Variants in LNX1 observed in about 807,000 individuals in gnomAD.
LNX1 encodes the protein ligand of numb-protein X 1, also known as E3 ubiquitin-protein ligase LNX.
In LNX1, 54 loss-of-function variants were observed where a neutral mutation model predicts 68.4. The ratio of observed to expected loss-of-function variants is 0.79; its 90% CI spans 0.63 to 0.99. LNX1 has a LOEUF of 0.99. Ranked by LOEUF, LNX1 falls within the 50% of genes least tolerant of loss-of-function variation. The pLI, the probability that LNX1 is intolerant of heterozygous loss-of-function variation, is 0.00. For missense variants in LNX1, 906 were observed against 926.4 expected, an observed-to-expected ratio of 0.98 and a Z score of 0.29; for synonymous variants, 336 against 350.0, an observed-to-expected ratio of 0.96 and a Z score of 0.45.
At position 53,505,861 on chromosome 4, in the gene LNX1, G is replaced by A. The variant is rs564305498; in HGVS notation, c.775+1456C>T. Among the ~76,000 whole-genome samples, 15 of 152,314 alleles carry A rather than the reference G, an allele frequency of 9.8e-5. No homozygotes were observed. In the South Asian group the frequency reaches 2.5e-3, roughly 25 times the overall value. Reference sequence around the variant, plus strand: ...TTACACTAAATCTGGAAGAAGGAACGTGAATGCCAGCTGAAAGGAGAGTGG... The same window carrying A: ...TTACACTAAATCTGGAAGAAGGAACATGAATGCCAGCTGAAAGGAGAGTGG... On this transcript the variant is annotated intron_variant, in intron 4 of 10. Transcript: ENST00000263925.
At chr4:53,650,205 C>G (rs1222738582) in intron 1 of LNX1, among the ~76,000 whole-genome samples, 1 of 152,184 alleles carries the variant, frequency 6.6e-6, no homozygotes. Context: ...GGTACATACA[C>G]AAATGCATAG....
chr4:53,636,103 A>G (rs1734462977), intron 1 of LNX1, among the ~76,000 whole-genome samples: 2 of 151,712 alleles, frequency 1.3e-5, no homozygotes, highest in African/African-American at 4.8e-5. Flanking sequence ...TCCAAAAATA[A>G]TAACTACTGA....
upstream of LNX1, among the ~76,000 whole-genome samples, chr4:53,595,522 A>G (rs148767848): frequency 6.5e-3 from 988 of 152,358 alleles, 11 homozygotes; most frequent in African/African-American, 0.022. Context: ...CCATTTCGGC[A>G]ACCACATGAT....
At chr4:53,645,091 A>G (rs1355342648) in intron 1 of LNX1, among the ~76,000 whole-genome samples, 2 of 152,188 alleles carry the variant, frequency 1.3e-5, no homozygotes, top group Admixed American at 6.5e-5. Flanking sequence ...CCACGCCAAA[A>G]AAGAACAGAA....
At chr4:53,461,366 TG>T (rs1722080616) in intron 10 of LNX1, 68 bp downstream of exon 10, 11 of 1,265,280 alleles carry the variant, frequency 8.7e-6, no homozygotes, top group South Asian at 2.7e-5. Flanking sequence ...TTATCTCAAA[TG>T]GGGCCAAGCT....
intron 1 of LNX1, among the ~76,000 whole-genome samples, chr4:53,639,859 C>G (rs1233872796): frequency 6.6e-6 from 1 of 152,086 alleles, no homozygotes; most frequent in East Asian, 1.9e-4. Context: ...TGGTGAAACC[C>G]TGTCTCTACT....
chr4:53,481,698 C>A (rs202229204), intron 7 of LNX1, 22 bp downstream of exon 7: 1 of 1,603,072 alleles, frequency 6.2e-7, no homozygotes, highest in East Asian at 2.3e-5. Context: ...CAGGAGCAGG[C>A]GACCTGCCCT....
At chr4:53,568,488 G>C (rs1359882718) in intron 2 of LNX1, among the ~76,000 whole-genome samples, 2 of 151,770 alleles carry the variant, frequency 1.3e-5, no homozygotes, top group African/African-American at 2.4e-5. Flanking sequence ...GTATTGATGG[G>C]ACATATTTCA....
At chr4:53,510,476 T>C (rs1726249115) in intron 2 of LNX1, among the ~76,000 whole-genome samples, 1 of 152,216 alleles carries the variant, frequency 6.6e-6, no homozygotes, top group Non-Finnish European at 1.5e-5. Context: ...CTAGTGCTTG[T>C]CCTCAGCTGG....
intron 9 of LNX1, among the ~76,000 whole-genome samples, chr4:53,464,843 T>C (rs1164199390): frequency 1.3e-5 from 2 of 152,158 alleles, no homozygotes; most frequent in East Asian, 1.9e-4. Context: ...TCCTCAATGA[T>C]AGCCAATTAC....
intron 2 of LNX1, among the ~76,000 whole-genome samples, chr4:53,616,360 T>A (rs1733678758): frequency 6.6e-6 from 1 of 152,250 alleles, no homozygotes; most frequent in South Asian, 2.1e-4. Context: ...TAATTTCTAC[T>A]CTTCAGTGTC....
intron 1 of LNX1, among the ~76,000 whole-genome samples, chr4:53,579,615 C>T (rs758196849): frequency 1.2e-4 from 19 of 152,082 alleles, no homozygotes; most frequent in Non-Finnish European, 2.2e-4. Context: ...CATTCGAGAT[C>T]GTGTGTCTAC....
At chr4:53,506,645 A>C (rs544035806) in intron 4 of LNX1, among the ~76,000 whole-genome samples, 1 of 152,136 alleles carries the variant, frequency 6.6e-6, no homozygotes, top group Admixed American at 6.5e-5. Flanking sequence ...ACCTGAGTTC[A>C]GGAGTTCGAG....
At position 53,496,208 on chromosome 4, in the gene LNX1, G is replaced by T; in HGVS notation, c.1165C>A (p.Pro389Thr). ...AGTTTTATTCCAAGCTGCTCCTCGGGGCTACTTTTGTTGAGAATCACATGA... is the reference window on the plus strand; with the variant it reads ...AGTTTTATTCCAAGCTGCTCCTCGGTGCTACTTTTGTTGAGAATCACATGA... ...SFHVILNKSSPEEQLGIKLVR... is the reference protein window; with the variant it reads ...SFHVILNKSSTEEQLGIKLVR... The change falls in exon 6 of 11, where the codon CCC becomes ACC. Residue 389 changes from proline to threonine, a missense_variant. By Grantham distance (38) the Pro-to-Thr change is conservative (BLOSUM62 -1). Coordinates refer to ENST00000263925, the MANE Select transcript of LNX1 (RefSeq NM_001126328.3). 2 of 1,614,036 alleles carry T rather than the reference G, an allele frequency of 1.2e-6. No homozygotes were observed. Among genetic ancestry groups the T allele is most frequent in the East Asian group, 4.5e-5 (2 of 44,874 alleles).
At chr4:53,475,848 C>T (rs1443705233) in intron 9 of LNX1, among the ~76,000 whole-genome samples, 1 of 152,154 alleles carries the variant, frequency 6.6e-6, no homozygotes, top group Non-Finnish European at 1.5e-5. Context: ...AAAATGACAA[C>T]CCAGCTACTT....
At chr4:53,469,563 GA>G (rs1468581241) in intron 9 of LNX1, among the ~76,000 whole-genome samples, 3 of 152,096 alleles carry the variant, frequency 2.0e-5, no homozygotes, top group Non-Finnish European at 4.4e-5. Context: ...CTGGTTTTTT[GA>G]AAAGATCAAC....
At chr4:53,571,668 T>C (rs1731181120) in intron 2 of LNX1, among the ~76,000 whole-genome samples, 1 of 151,700 alleles carries the variant, frequency 6.6e-6, no homozygotes, top group South Asian at 2.1e-4. Flanking sequence ...AACAAATTTG[T>C]TTTTTTCTTT....
chr4:53,633,706 T>A (rs1019506668), intron 1 of LNX1, among the ~76,000 whole-genome samples: 1 of 152,180 alleles, frequency 6.6e-6, no homozygotes, highest in Non-Finnish European at 1.5e-5. Flanking sequence ...ATTAGGCTAG[T>A]GTTTGACATG....
intron 6 of LNX1, among the ~76,000 whole-genome samples, chr4:53,486,279 C>T (rs565164984): frequency 6.9e-6 from 1 of 145,016 alleles, no homozygotes; most frequent in South Asian, 2.4e-4. Context: ...GTGAAGCCAC[C>T]CAATCGGCAG....
Sources: gnomAD v4.1 joint callset for allele counts (sites outside exome capture counted in the v4.1 genomes callset) on GRCh38, gnomAD v4.1.1 for gene constraint, MANE v1.5 for transcripts, NCBI Gene and HGNC (gene_info 2026-07-23, HGNC 2026-07-21) for gene names.